The following NAV2 variants were observed in gnomAD, a reference collection of about 807,000 sequenced individuals.
The protein encoded by NAV2 is neuron navigator 2.
NAV2 carries 54 observed loss-of-function variants against 223.2 expected under a neutral mutation model. The observed-to-expected ratio is 0.24, with a 90% CI of 0.19 to 0.30. NAV2 has a LOEUF of 0.30. Ranked by LOEUF, NAV2 falls within the 10% of genes least tolerant of loss-of-function variation. NAV2 has a pLI of 1.00. For synonymous variants in NAV2, 1,279 were observed against 1,239.3 expected (o/e 1.03, Z -0.67); for missense variants, 2,806 against 3,147.5 (o/e 0.89, Z 2.60).
intron 22 of NAV2, among the ~76,000 whole-genome samples, chr11:20,073,369 T>C (rs1448000529): frequency 6.6e-6 from 1 of 152,246 alleles, no homozygotes; most frequent in Non-Finnish European, 1.5e-5. Flanking sequence ...ACATTGATGT[T>C]CATCAAGGAT....
At chr11:19,353,186 G>A (rs1439729939) in intron 1 of NAV2, among the ~76,000 whole-genome samples, 1 of 152,102 alleles carries the variant, frequency 6.6e-6, no homozygotes, top group Non-Finnish European at 1.5e-5. Flanking sequence ...AGATCCTCCT[G>A]GCATTTCTGT....
chr11:19,647,669 C>A (rs2047855482), intron 1 of NAV2, among the ~76,000 whole-genome samples: 1 of 152,080 alleles, frequency 6.6e-6, no homozygotes, highest in African/African-American at 2.4e-5. Context: ...TGTCTGTAGC[C>A]AGTCACCTTT....
chr11:19,692,668 T>A (rs2049212440), intron 1 of NAV2, among the ~76,000 whole-genome samples: 3 of 152,210 alleles, frequency 2.0e-5, no homozygotes, highest in Admixed American at 2.0e-4. Context: ...TCCACAGGCA[T>A]TTTGCATATT....
chr11:19,972,829 C>G (rs1050079475), intron 10 of NAV2, among the ~76,000 whole-genome samples: 1 of 152,194 alleles, frequency 6.6e-6, no homozygotes, highest in African/African-American at 2.4e-5. Flanking sequence ...CCCCAACACC[C>G]AGGCTAGTGC....
chr11:19,782,386 T>C (rs2056815861), intron 1 of NAV2, among the ~76,000 whole-genome samples: 1 of 152,206 alleles, frequency 6.6e-6, no homozygotes, highest in African/African-American at 2.4e-5. Context: ...TTCCTCTTAA[T>C]GACATTTTGA....
intron 6 of NAV2, among the ~76,000 whole-genome samples, chr11:19,919,439 T>G (rs1042367302): frequency 6.6e-6 from 1 of 152,290 alleles, no homozygotes; most frequent in East Asian, 1.9e-4. Context: ...GTGTGTTTAC[T>G]GGGCTGCTTC....
intron 10 of NAV2, among the ~76,000 whole-genome samples, chr11:19,956,443 A>G (rs1470289501): frequency 6.6e-6 from 1 of 151,888 alleles, no homozygotes; most frequent in Non-Finnish European, 1.5e-5. Flanking sequence ...CACAAGTCAT[A>G]GGTCCCAAGG....
chr11:20,102,489 G>A (rs1218643979), intron 32 of NAV2, among the ~76,000 whole-genome samples: 4 of 152,126 alleles, frequency 2.6e-5, no homozygotes, highest in Admixed American at 2.6e-4. Flanking sequence ...TTCTCCTTCT[G>A]TAAAATGGAC....
chr11:19,600,803 C>T (rs1565089726), intron 1 of NAV2, among the ~76,000 whole-genome samples: 2 of 152,108 alleles, frequency 1.3e-5, no homozygotes, highest in Non-Finnish European at 2.9e-5. Context: ...CTGGTGTTAT[C>T]CTACAGATGA....
chr11:20,107,877 T>G (rs529779654), intron 36 of NAV2, 95 bp downstream of exon 36: 3 of 821,958 alleles, frequency 3.6e-6, no homozygotes, highest in South Asian at 1.5e-5. Flanking sequence ...GGAATCTGAC[T>G]GACATGGGGT....
At chr11:19,821,210 C>T (rs1401645279) in intron 1 of NAV2, among the ~76,000 whole-genome samples, 2 of 147,816 alleles carry the variant, frequency 1.4e-5, no homozygotes, top group African/African-American at 5.0e-5. Context: ...TGCAGTGAGC[C>T]GAGATTGCGC....
chr11:19,973,115 G>A (rs985756126), intron 10 of NAV2, among the ~76,000 whole-genome samples: 1 of 152,148 alleles, frequency 6.6e-6, no homozygotes, highest in Non-Finnish European at 1.5e-5. Flanking sequence ...TCTTTCAGCT[G>A]CAGTCTAGAA....
At chr11:19,936,828 G>C (rs1402173875) in intron 7 of NAV2, among the ~76,000 whole-genome samples, 1 of 152,158 alleles carries the variant, frequency 6.6e-6, no homozygotes, top group Non-Finnish European at 1.5e-5. Context: ...AACTAGACTA[G>C]AGGGGCTCAT....
intron 11 of NAV2, among the ~76,000 whole-genome samples, chr11:20,022,239 T>C (rs2054570110): frequency 6.6e-6 from 1 of 152,250 alleles, no homozygotes; most frequent in Non-Finnish European, 1.5e-5. Flanking sequence ...GTTCATAGCA[T>C]CTGTTTACAT....
chr11:19,817,175 A>G (rs1249658815), intron 1 of NAV2, among the ~76,000 whole-genome samples: 4 of 152,214 alleles, frequency 2.6e-5, no homozygotes, highest in African/African-American at 9.6e-5. Context: ...TACACCTTAT[A>G]TAGCCACTCA....
At chr11:19,380,935 G>T (rs1344162640) in intron 1 of NAV2, among the ~76,000 whole-genome samples, 1 of 152,128 alleles carries the variant, frequency 6.6e-6, no homozygotes, top group African/African-American at 2.4e-5. Context: ...CTATGACCTA[G>T]GTCCTCAACT....
Position 20,062,379 on chromosome 11 carries a change from G to A in NAV2, c.4884+20G>A. On this transcript the variant is annotated intron_variant, in intron 20 of 37. Coordinates refer to ENST00000349880, the MANE Select transcript of NAV2 (RefSeq NM_145117.5). ...TCTACAGTGAGTATAAATCAATGCT[G>A]TGTGGCTGTGATCATGAGAACTGGG... is the stretch of plus-strand genomic sequence containing the variant. The A allele has an allele frequency of 6.3e-7, 1 of 1,590,374 alleles. No homozygotes were observed.
intron 1 of NAV2, among the ~76,000 whole-genome samples, chr11:19,795,778 G>A (rs533575972): frequency 1.4e-4 from 21 of 152,362 alleles, no homozygotes; most frequent in Admixed American, 1.3e-3. Flanking sequence ...CTCAGTGACA[G>A]ATCTGCCTTT....
chr11:19,551,901 C>T (rs543315411), intron 1 of NAV2, among the ~76,000 whole-genome samples: 1 of 131,278 alleles, frequency 7.6e-6, no homozygotes, highest in Non-Finnish European at 1.5e-5. Context: ...CTCCTCTTCT[C>T]TCTCTCTCTC....
Sources: allele counts gnomAD v4.1 joint callset (sites outside exome capture counted in the v4.1 genomes callset), GRCh38; gene constraint gnomAD v4.1.1; transcripts MANE v1.5; gene names NCBI Gene and HGNC (gene_info 2026-07-23, HGNC 2026-07-21).